The following HIVEP3 variants were observed in gnomAD, a reference collection of about 807,000 sequenced individuals.
HIVEP3 encodes transcription factor HIVEP3.
A neutral mutation model predicts 152.8 loss-of-function variants in HIVEP3; 49 were observed. The observed-to-expected ratio is 0.32, with a 90% CI of 0.26 to 0.41. The LOEUF is 0.41. HIVEP3 is among the 10% of genes least tolerant of loss of function. HIVEP3 has a pLI of 1.00. For synonymous variants in HIVEP3, 1,269 were observed against 1,289.0 expected (o/e 0.98, Z 0.33); for missense variants, 2,790 against 3,103.3 (o/e 0.90, Z 2.40).
chr1:42,001,443 C>A (rs769939435), intron 1 of HIVEP3, among the ~76,000 whole-genome samples: 2 of 152,192 alleles, frequency 1.3e-5, no homozygotes, highest in Non-Finnish European at 2.9e-5. Context: ...CTGGAGATAA[C>A]CTCACTACAC....
chr1:41,953,034 T>G (rs1428916792), intron 1 of HIVEP3, among the ~76,000 whole-genome samples: 2 of 152,202 alleles, frequency 1.3e-5, no homozygotes, highest in Non-Finnish European at 2.9e-5. Context: ...TCCCCAACTT[T>G]GACACATGGG....
chr1:41,672,216 C>T (rs1018014319), intron 2 of HIVEP3, among the ~76,000 whole-genome samples: 2 of 152,212 alleles, frequency 1.3e-5, no homozygotes, highest in Admixed American at 1.3e-4. Context: ...CTCCCTGGCA[C>T]ATGTGGGGCA....
At chr1:42,029,442 A>T (rs1198040109) in intron 1 of HIVEP3, among the ~76,000 whole-genome samples, 1 of 152,188 alleles carries the variant, frequency 6.6e-6, no homozygotes, top group Non-Finnish European at 1.5e-5. Flanking sequence ...CAAAATGGGG[A>T]TGCTAATTCC....
chr1:41,927,190 T>C (rs1198094265), intron 1 of HIVEP3, among the ~76,000 whole-genome samples: 5 of 152,076 alleles, frequency 3.3e-5, no homozygotes, highest in Non-Finnish European at 7.4e-5. Flanking sequence ...CACAAATGAG[T>C]TTCTCTGATC....
rs139328301 is a variant in HIVEP3 at position 41,954,368 on chromosome 1, G to A, written n.120-35844C>T. Among the ~76,000 whole-genome samples, 222 of 152,200 alleles carry A rather than the reference G, an allele frequency of 1.5e-3. 1 individual carries two copies. Among genetic ancestry groups the A allele is most frequent in the African/African-American group, 5.0e-3 (206 of 41,538 alleles). On this transcript the variant is annotated intron_variant and non_coding_transcript_variant, in intron 1 of 3. Coordinates refer to the HIVEP3 transcript ENST00000489103. ...AGTAAGCCTTTGTTTTGCTGATTAG[G>A]GAGGCCACATACATTTTTAAAAACG...
intron 1 of HIVEP3, among the ~76,000 whole-genome samples, chr1:41,875,330 G>A (rs1644151124): frequency 6.6e-6 from 1 of 152,170 alleles, no homozygotes. Context: ...GACTCCCATG[G>A]CTCCCCTCCA....
chr1:41,634,144 G>C (rs1645236729), intron 2 of HIVEP3, among the ~76,000 whole-genome samples: 1 of 151,374 alleles, frequency 6.6e-6, no homozygotes, highest in South Asian at 2.1e-4. Flanking sequence ...AATTACTCGA[G>C]GAATCACTCA....
At chr1:41,845,368 T>C (rs1643408192) in intron 1 of HIVEP3, among the ~76,000 whole-genome samples, 4 of 151,402 alleles carry the variant, frequency 2.6e-5, no homozygotes, top group Admixed American at 1.3e-4. Flanking sequence ...ATTCCTTCAC[T>C]GTCTCCATCA....
intron 1 of HIVEP3, among the ~76,000 whole-genome samples, chr1:41,711,648 G>A (rs553100589): frequency 2.7e-4 from 41 of 152,158 alleles, no homozygotes; most frequent in South Asian, 1.0e-3. Context: ...CCCGGCTTTC[G>A]GTAAAAGCTG....
intron 5 of HIVEP3, among the ~76,000 whole-genome samples, chr1:41,563,155 T>A (rs1644107383): frequency 1.3e-5 from 2 of 152,074 alleles, no homozygotes; most frequent in South Asian, 4.2e-4. Flanking sequence ...AAGACCAGCC[T>A]GGCCAACATG....
chr1:41,733,130 T>A (rs977941795), intron 1 of HIVEP3, among the ~76,000 whole-genome samples: 1 of 150,440 alleles, frequency 6.6e-6, no homozygotes, highest in Non-Finnish European at 1.5e-5. Flanking sequence ...ATAATCCAGG[T>A]CTTTTCTGTC....
At chr1:41,522,077 C>A (rs780065487) in intron 6 of HIVEP3, among the ~76,000 whole-genome samples, 3 of 152,228 alleles carry the variant, frequency 2.0e-5, no homozygotes, top group Non-Finnish European at 4.4e-5. Context: ...GCAGGAGGGG[C>A]TCCCCAGGCC....
At chr1:41,600,563 G>A (rs1274775516) in intron 3 of HIVEP3, among the ~76,000 whole-genome samples, 1 of 152,122 alleles carries the variant, frequency 6.6e-6, no homozygotes, top group Non-Finnish European at 1.5e-5. Context: ...GGGAATGGGG[G>A]GCTGTTGTTT....
At chr1:41,785,087 C>A (rs568884897) in intron 1 of HIVEP3, among the ~76,000 whole-genome samples, 1 of 152,286 alleles carries the variant, frequency 6.6e-6, no homozygotes, top group East Asian at 1.9e-4. Context: ...AGACATAGTT[C>A]TCTCTTTTAC....
chr1:41,901,184 G>A (rs1557502587), intron 1 of HIVEP3, among the ~76,000 whole-genome samples: 3 of 152,066 alleles, frequency 2.0e-5, no homozygotes, highest in Non-Finnish European at 4.4e-5. Flanking sequence ...GGGGACAGTG[G>A]TGCCCCTTCC....
chr1:42,031,504 G>A (rs549946425), intron 1 of HIVEP3, among the ~76,000 whole-genome samples: 17 of 152,042 alleles, frequency 1.1e-4, no homozygotes, highest in East Asian at 1.9e-4. Flanking sequence ...CTTTGTTGTG[G>A]GGGCTGTCCC....
chr1:41,772,777 G>A (rs1321172522), intron 1 of HIVEP3, among the ~76,000 whole-genome samples: 1 of 152,186 alleles, frequency 6.6e-6, no homozygotes, highest in Non-Finnish European at 1.5e-5. Context: ...GGGTGTGGTG[G>A]CAGGTGCCTA....
At position 41,637,053 on chromosome 1, in the gene HIVEP3, C is replaced by T. The variant is rs180728885; in HGVS notation, c.-720-8106G>A. Among the ~76,000 whole-genome samples, 7 of 151,914 alleles carry T rather than the reference C, an allele frequency of 4.6e-5. No individual in the cohort carries two copies. In the East Asian group the frequency reaches 9.7e-4, roughly 21 times the overall value. On this transcript the variant is annotated intron_variant, in intron 2 of 8. Coordinates refer to ENST00000372583, the MANE Select transcript of HIVEP3 (RefSeq NM_024503.5). The stretch of plus-strand genomic sequence containing the variant: ...ACCATCAAGTGGTGGAGGGAGGAGT[C>T]GTCATCAAATACTTCTCAAATACTG...
At chr1:41,665,059 C>T (rs1645773817) in intron 2 of HIVEP3, among the ~76,000 whole-genome samples, 3 of 152,210 alleles carry the variant, frequency 2.0e-5, no homozygotes, top group Admixed American at 2.0e-4. Flanking sequence ...GGAGCCCTCA[C>T]CTAGCTCCTC....
Sources: gnomAD v4.1 joint callset for allele counts (sites outside exome capture counted in the v4.1 genomes callset) on GRCh38, gnomAD v4.1.1 for gene constraint, MANE v1.5 for transcripts, NCBI Gene and HGNC (gene_info 2026-07-23, HGNC 2026-07-21) for gene names.